Variants in ADAMTS20 observed in about 807,000 individuals in gnomAD.
ADAMTS20 encodes the protein A disintegrin and metalloproteinase with thrombospondin motifs 20.
In ADAMTS20, 225 loss-of-function variants were observed where a neutral mutation model predicts 260.1. The observed-to-expected ratio is 0.87, with a 90% CI of 0.78 to 0.97. ADAMTS20 has a LOEUF of 0.97. ADAMTS20 is among the 50% of genes least tolerant of loss of function. The pLI, the probability that ADAMTS20 is intolerant of heterozygous loss-of-function variation, is 0.00. For synonymous variants in ADAMTS20, 802 were observed against 769.5 expected (o/e 1.04, Z -0.70); for missense variants, 2,400 against 2,337.7 (o/e 1.03, Z -0.55).
chr12:43,387,689 G>T (rs542183291), intron 29 of ADAMTS20, among the ~76,000 whole-genome samples: 14 of 152,338 alleles, frequency 9.2e-5, no homozygotes, highest in African/African-American at 3.1e-4. Flanking sequence ...ACCCTACCCA[G>T]AGCAGAGGAA....
chr12:43,458,987 C>T (rs1451761235), intron 11 of ADAMTS20, among the ~76,000 whole-genome samples: 2 of 152,176 alleles, frequency 1.3e-5, no homozygotes, highest in Non-Finnish European at 2.9e-5. Context: ...TCATCTATCA[C>T]CTGAGAGCAC....
At chr12:43,444,009 T>C in intron 15 of ADAMTS20, 126 bp from the exon 16 acceptor site, 1 of 667,368 alleles carries the variant, frequency 1.5e-6, no homozygotes, top group Non-Finnish European at 2.6e-6. Flanking sequence ...TTTACAAAAT[T>C]ACACAGTGGT....
At chr12:43,357,587 C>T (rs1414326202) in intron 37 of ADAMTS20, among the ~76,000 whole-genome samples, 2 of 151,942 alleles carry the variant, frequency 1.3e-5, no homozygotes, top group Admixed American at 6.6e-5. Context: ...ATCAAATATT[C>T]GCATAAAACA....
intron 11 of ADAMTS20, among the ~76,000 whole-genome samples, chr12:43,460,988 A>ATATATATATATT: frequency 2.3e-4 from 6 of 26,394 alleles, no homozygotes; most frequent in African/African-American, 7.7e-4. Context: ...ATATATATAT[A>ATATATATATATT]TTTTTTTTTT....
chr12:43,497,880 C>A (rs980285763), intron 4 of ADAMTS20, among the ~76,000 whole-genome samples: 51 of 151,850 alleles, frequency 3.4e-4, no homozygotes, highest in African/African-American at 1.2e-3. Flanking sequence ...AGAGTCAAAC[C>A]CTTACAAACA....
At chr12:43,387,662 A>G (rs11182049) in intron 29 of ADAMTS20, among the ~76,000 whole-genome samples, 37,819 of 152,126 alleles carry the variant, frequency 0.25, 5,310 homozygotes, top group African/African-American at 0.38. Flanking sequence ...TGGGGCTGCT[A>G]TCTTTCTTTC....
chr12:43,486,969 C>T (rs1942531124), intron 7 of ADAMTS20, among the ~76,000 whole-genome samples: 2 of 152,108 alleles, frequency 1.3e-5, no homozygotes, highest in Non-Finnish European at 2.9e-5. Flanking sequence ...AAGTACACTG[C>T]TGATAACAAT....
At chr12:43,503,409 A>T (rs1942795988) in intron 3 of ADAMTS20, among the ~76,000 whole-genome samples, 1 of 152,156 alleles carries the variant, frequency 6.6e-6, no homozygotes, top group Non-Finnish European at 1.5e-5. Context: ...ATATAAATAT[A>T]AAAACATATT....
chr12:43,451,247 C>T (rs998124339), intron 14 of ADAMTS20, among the ~76,000 whole-genome samples: 1 of 152,130 alleles, frequency 6.6e-6, no homozygotes, highest in African/African-American at 2.4e-5. Context: ...TAGAAGTACA[C>T]TTACTATATT....
intron 4 of ADAMTS20, among the ~76,000 whole-genome samples, chr12:43,501,465 G>C: frequency 2.9e-5 from 1 of 34,900 alleles, no homozygotes; most frequent in Non-Finnish European, 5.1e-5. Context: ...GGGGATACGC[G>C]CGCGCGCGCG....
At chr12:43,423,972 G>T in intron 28 of ADAMTS20, 1 of 683,270 alleles carries the variant, frequency 1.5e-6, no homozygotes, top group South Asian at 1.6e-5. Flanking sequence ...GTCACACTTT[G>T]ACTATAAAGA....
chr12:43,492,604 CCA>C lies in ADAMTS20; in HGVS notation c.975_976del (p.Asp325GlufsTer17), dbSNP rs1427902066. The C allele has an allele frequency of 6.2e-7, 1 of 1,613,590 alleles. No homozygotes were observed. The highest frequency in any genetic ancestry group is 1.7e-5 in the Admixed American group (1 of 59,966). The stretch of plus-strand genomic sequence containing the variant: ...ACAAAAGTTCTTTAATGTGGTAGCA[CCA>C]TCAAAATTAATGACTGGTCCTTCCT... On this transcript the variant is annotated frameshift_variant, in exon 6 of 39. Transcript: ENST00000389420. LOFTEE classifies it high-confidence loss of function.
intron 2 of ADAMTS20, among the ~76,000 whole-genome samples, chr12:43,538,665 A>C (rs1943330522): frequency 6.6e-6 from 1 of 152,188 alleles, no homozygotes; most frequent in Non-Finnish European, 1.5e-5. Context: ...CATATATTTT[A>C]AATCACTATT....
In ADAMTS20 at chr12:43,493,175, C is replaced by T. The variant is rs1390756447; in HGVS notation, c.946G>A (p.Glu316Lys). Residue 316 changes from glutamate to lysine, a missense_variant, in exon 5 of 39, where the codon GAG (glutamate) becomes AAG (lysine). Glu to Lys is a moderately conservative substitution (Grantham distance 56). Transcript: ENST00000389420. ...VVVKLVMIHR[E>K]EEGPVINFDG... ...ATTTTAGACCTGTTTCTTACCTCCTCACGGTGAATCATAACTAATTTTACC... is the reference window on the plus strand; with the variant it reads ...ATTTTAGACCTGTTTCTTACCTCCTTACGGTGAATCATAACTAATTTTACC... 3.2e-6 allele frequency: 5 copies of T among 1,558,218 alleles called. No homozygotes were observed. Among genetic ancestry groups the T allele is most frequent in the Non-Finnish European group, 4.3e-6 (5 of 1,149,472 alleles).
chr12:43,510,097 T>C (rs975574765), intron 3 of ADAMTS20, among the ~76,000 whole-genome samples: 1 of 152,124 alleles, frequency 6.6e-6, no homozygotes, highest in East Asian at 1.9e-4. Context: ...GTTAAATGAA[T>C]GAATTAGGTC....
intron 29 of ADAMTS20, among the ~76,000 whole-genome samples, chr12:43,393,634 T>C (rs1940641399): frequency 1.3e-5 from 2 of 152,064 alleles, no homozygotes; most frequent in African/African-American, 2.4e-5. Flanking sequence ...AGTCTTCTCT[T>C]TTGAAGCCTT....
chr12:43,435,683 TA>T (rs148341566), intron 18 of ADAMTS20, among the ~76,000 whole-genome samples: 1 of 128,446 alleles, frequency 7.8e-6, no homozygotes, highest in Non-Finnish European at 1.7e-5. Context: ...AAAAATAAAA[TA>T]AAAAAAGTCT....
At chr12:43,525,897 G>A (rs946133622) in intron 3 of ADAMTS20, among the ~76,000 whole-genome samples, 9 of 152,128 alleles carry the variant, frequency 5.9e-5, no homozygotes, top group African/African-American at 2.2e-4. Context: ...TACTAGACCT[G>A]AGAAATGAGA....
At chr12:43,501,479 G>GCACACACACACA (rs746038595) in intron 4 of ADAMTS20, among the ~76,000 whole-genome samples, 9 of 67,048 alleles carry the variant, frequency 1.3e-4, no homozygotes, top group Non-Finnish European at 3.1e-4. Context: ...GCGCGCGCGC[G>GCACACACACACA]CGCACACACA....
Sources: gnomAD v4.1 joint callset for allele counts (sites outside exome capture counted in the v4.1 genomes callset) on GRCh38, gnomAD v4.1.1 for gene constraint, MANE v1.5 for transcripts, NCBI Gene and HGNC (gene_info 2026-07-23, HGNC 2026-07-21) for gene names.